Variants in MTA3 observed in about 807,000 individuals in gnomAD.
The protein encoded by MTA3 is metastasis associated 1 family member 3, also known as metastasis-associated protein MTA3.
Under a neutral mutation model 83.5 loss-of-function variants are expected in MTA3, and 34 were observed. The ratio of observed to expected loss-of-function variants is 0.41; its 90% CI spans 0.31 to 0.54. MTA3 has a LOEUF of 0.54. Among genes scored for constraint, MTA3 ranks in the 20% least tolerant of loss-of-function variants. MTA3 has a pLI of 0.33. For missense variants in MTA3, 761 were observed against 726.4 expected, an observed-to-expected ratio of 1.05 and a Z score of -0.55; for synonymous variants, 303 against 252.7, an observed-to-expected ratio of 1.20 and a Z score of -1.89.
At chr2:42,532,733 C>A in intron 2 of MTA3, 1 of 205,356 alleles carries the variant, frequency 4.9e-6, no homozygotes, top group South Asian at 8.7e-5. Context: ...TTTTACAATC[C>A]AGAGGTTTTT....
At chr2:42,747,256 C>T (rs1209495340) in intron 16 of MTA3, among the ~76,000 whole-genome samples, 6 of 151,982 alleles carry the variant, frequency 3.9e-5, no homozygotes, top group Non-Finnish European at 8.8e-5. Context: ...CACCTCAGCC[C>T]CCGAAAGTGC....
intron 12 of MTA3, among the ~76,000 whole-genome samples, chr2:42,705,087 A>T (rs935166585): frequency 1.1e-4 from 16 of 152,152 alleles, no homozygotes; most frequent in African/African-American, 3.9e-4. Flanking sequence ...TTGAGAGTAC[A>T]TGTAGCCTAC....
intron 10 of MTA3, among the ~76,000 whole-genome samples, chr2:42,697,320 C>T (rs1188252851): frequency 6.6e-6 from 1 of 152,114 alleles, no homozygotes; most frequent in Non-Finnish European, 1.5e-5. Context: ...CTTAGAATAG[C>T]CACAGTCACT....
chr2:42,558,408 G>A (rs570850775), intron 2 of MTA3, among the ~76,000 whole-genome samples: 3 of 151,294 alleles, frequency 2.0e-5, no homozygotes, highest in African/African-American at 4.9e-5. Flanking sequence ...GTGCCACCAC[G>A]CCTGGCTAAT....
intron 4 of MTA3, chr2:42,613,756 C>A (rs911463229): frequency 1.1e-4 from 17 of 152,114 alleles, no homozygotes; most frequent in African/African-American, 2.9e-4. Flanking sequence ...TTAACACTTC[C>A]CAAAGTGGCA....
At chr2:42,506,814 C>T (rs1674652523) in intron 2 of MTA3, among the ~76,000 whole-genome samples, 1 of 151,830 alleles carries the variant, frequency 6.6e-6, no homozygotes, top group Non-Finnish European at 1.5e-5. Context: ...ACCATGTTGG[C>T]CAGGCTGGTC....
chr2:42,545,932 G>A (rs1238693521), intron 2 of MTA3, among the ~76,000 whole-genome samples: 1 of 152,158 alleles, frequency 6.6e-6, no homozygotes, highest in Non-Finnish European at 1.5e-5. Flanking sequence ...CTTAAGATGG[G>A]TATCTGGAAC....
chr2:42,631,970 A>G (rs946578100), intron 4 of MTA3, among the ~76,000 whole-genome samples: 1 of 150,176 alleles, frequency 6.7e-6, no homozygotes, highest in Non-Finnish European at 1.5e-5. Context: ...GATTACAGGC[A>G]TGAGCCACCA....
chr2:42,657,827 TGGGAGGCCAA>T (rs1042024567), intron 7 of MTA3, among the ~76,000 whole-genome samples: 6 of 150,048 alleles, frequency 4.0e-5, no homozygotes, highest in Non-Finnish European at 5.9e-5. Context: ...CCCAGTGCTT[TGGGAGGCCAA>T]GGCAGGCAGA....
At chr2:42,685,200 G>T (rs1208580748) in intron 9 of MTA3, among the ~76,000 whole-genome samples, 1 of 152,180 alleles carries the variant, frequency 6.6e-6, no homozygotes, top group East Asian at 1.9e-4. Flanking sequence ...CTATGAAAAT[G>T]AGTATAACAG....
intron 2 of MTA3, among the ~76,000 whole-genome samples, chr2:42,551,483 G>A (rs529605580): frequency 2.6e-5 from 4 of 152,028 alleles, no homozygotes; most frequent in Admixed American, 6.6e-5. Context: ...GAGTCACCAC[G>A]CTGGCTTTAT....
At chr2:42,585,476 C>CTTTTTTTTTT (rs35808147) in intron 3 of MTA3, among the ~76,000 whole-genome samples, 1 of 119,036 alleles carries the variant, frequency 8.4e-6, no homozygotes, top group Non-Finnish European at 1.7e-5. Flanking sequence ...TCTTTCTTTT[C>CTTTTTTTTTT]TTTTTTTTTT....
chr2:42,538,685 G>A (rs1676366466), intron 2 of MTA3, among the ~76,000 whole-genome samples: 1 of 147,534 alleles, frequency 6.8e-6, no homozygotes, highest in Non-Finnish European at 1.5e-5. Flanking sequence ...TCCAGCCTGG[G>A]CGACAGAATA....
chr2:42,745,345 G>T (rs781226209), intron 16 of MTA3, among the ~76,000 whole-genome samples: 13 of 152,182 alleles, frequency 8.5e-5, no homozygotes, highest in Non-Finnish European at 1.5e-4. Flanking sequence ...GCAAGACCAA[G>T]AGTAAGTGTT....
chr2:42,640,804 C>T (rs977053964), intron 5 of MTA3, among the ~76,000 whole-genome samples: 1 of 152,134 alleles, frequency 6.6e-6, no homozygotes, highest in Non-Finnish European at 1.5e-5. Flanking sequence ...ACATTTAAAG[C>T]AACATCATTT....
chr2:42,609,417 G>A (rs375138464), intron 3 of MTA3, 41 bp from the exon 4 acceptor site: 2 of 1,582,412 alleles, frequency 1.3e-6, no homozygotes, highest in East Asian at 4.5e-5. Flanking sequence ...AACAGATAAT[G>A]TGCTTTGTAC....
upstream of MTA3, among the ~76,000 whole-genome samples, chr2:42,565,581 C>A (rs75164460): frequency 8.9e-3 from 1,357 of 152,298 alleles, 25 homozygotes; most frequent in African/African-American, 0.031. Context: ...CATGGAAGGG[C>A]TGGATTTGCC....
At chr2:42,635,620 AC>A (rs1558527231) in intron 4 of MTA3, among the ~76,000 whole-genome samples, 21 of 151,628 alleles carry the variant, frequency 1.4e-4, no homozygotes, top group African/African-American at 4.6e-4. Context: ...ACAGAGCGAG[AC>A]TCTATCTCAA....
At chr2:42,679,374 C>A (rs1691663093) in intron 8 of MTA3, among the ~76,000 whole-genome samples, 1 of 152,104 alleles carries the variant, frequency 6.6e-6, no homozygotes, top group Non-Finnish European at 1.5e-5. Flanking sequence ...ATATAAGTTA[C>A]AATTGGGGTA....
Sources: allele counts gnomAD v4.1 joint callset (sites outside exome capture counted in the v4.1 genomes callset), GRCh38; gene constraint gnomAD v4.1.1; transcripts MANE v1.5; gene names NCBI Gene and HGNC (gene_info 2026-07-23, HGNC 2026-07-21).